Variants in FLCN observed in about 807,000 individuals in gnomAD.
FLCN encodes BHD skin lesion fibrofolliculoma protein.
A neutral mutation model predicts 62.5 loss-of-function variants in FLCN; 22 were observed. The observed-to-expected ratio is 0.35, with a 90% CI of 0.25 to 0.50. FLCN has a LOEUF of 0.50. Ranked by LOEUF, FLCN falls within the 20% of genes least tolerant of loss-of-function variation. The probability of loss-of-function intolerance (pLI) is 0.97; values close to 1 mark genes in which losing one functional copy is unlikely to be tolerated. For synonymous variants in FLCN, 319 were observed against 310.0 expected (o/e 1.03, Z -0.30); for missense variants, 657 against 778.0 (o/e 0.84, Z 1.85).
intron 2 of FLCN, among the ~76,000 whole-genome samples, chr17:17,232,292 C>T (rs2047444630): frequency 6.6e-6 from 1 of 152,246 alleles, no homozygotes; most frequent in South Asian, 2.1e-4. Context: ...CTCCCCTGCC[C>T]TGCTTTGAGT....
At position 17,223,972 on chromosome 17, in the gene FLCN, G is replaced by A. The variant is rs1053540092; in HGVS notation, c.568C>T (p.Leu190=). The A allele has an allele frequency of 6.2e-7, 1 of 1,613,572 alleles. No homozygotes were observed. ...IYLINSWPFL[L]GKVRGIIDEL... is the part of the protein sequence containing the mutation. ...TCGATGATTCCCCGGACCTTCCCCA[G>A]CAGGAAGGGCCAGGAGTTGATGAGG... Residue 190 remains leucine (L), a synonymous_variant, in exon 6 of 14, where the codon CTG becomes TTG. Transcript: ENST00000285071.
chr17:17,224,248 C>T (rs1597607958), intron 5 of FLCN, 105 bp from the exon 6 acceptor site: 1 of 1,051,000 alleles, frequency 9.5e-7, no homozygotes, highest in African/African-American at 1.6e-5. Context: ...AATCAGCCAG[C>T]GTTAATAACG....
intron 1 of FLCN, chr17:17,235,748 C>G (rs2047564600): frequency 6.6e-6 from 1 of 152,224 alleles, no homozygotes; most frequent in South Asian, 2.1e-4. Context: ...ACTCACTGTT[C>G]AATTCCAATC....
chr17:17,213,522 C>T lies in FLCN; in HGVS notation c.*133G>A, dbSNP rs1432120366. 12 of 1,259,800 alleles carry T rather than the reference C, an allele frequency of 9.5e-6. No homozygotes were observed. The highest frequency in any genetic ancestry group is 1.4e-5 in the Non-Finnish European group (12 of 878,326). The allele number at this position is 1,259,800 out of a possible 1,614,324, so 78.0% of individuals were successfully genotyped here. ...CAAACCTGACAGGGCCGAGCCCAGC[C>T]CTGATGGTTTCCCTTCCTTGCTGGG... On this transcript the variant is annotated 3_prime_UTR_variant, in exon 14 of 14. Transcript: ENST00000285071.
rs942279223 is a variant in FLCN, at chr17:17,217,198, C to T, written c.1063-16G>A. 4 of 1,532,944 alleles carry T rather than the reference C, an allele frequency of 2.6e-6. No homozygotes were observed. The highest frequency in any genetic ancestry group is 3.6e-6 in the Non-Finnish European group (4 of 1,106,272). The allele number at this position is 1,532,944 out of a possible 1,614,324, so 95.0% of individuals were successfully genotyped here. On this transcript the variant is annotated splice_polypyrimidine_tract_variant and intron_variant, in intron 9 of 13. Transcript: ENST00000285071. ...CACCCAGGACCTAAACAAGAGAGTGCAGTGCTTTCAGCGTGACTAGTAGAA... is the reference window on the plus strand; with the variant it reads ...CACCCAGGACCTAAACAAGAGAGTGTAGTGCTTTCAGCGTGACTAGTAGAA...
Position 17,216,247 on chromosome 17 carries a change from G to A in FLCN, c.1300+133C>T. On this transcript the variant is annotated intron_variant, in intron 11 of 13. Coordinates refer to ENST00000285071, the MANE Select transcript of FLCN (RefSeq NM_144997.7). The surrounding 1 kb of genome is among the most constrained non-coding windows in gnomAD (Gnocchi z 4.0). ...TGAAGATAGAACACGGAGGCCCAGA[G>A]CCATGGGGGAAGCTGGCCCTGCAAT... The A allele has an allele frequency of 7.5e-7, 1 of 1,338,320 alleles. No individual in the cohort carries two copies. The highest frequency in any genetic ancestry group is 1.0e-6 in the Non-Finnish European group (1 of 978,872). The allele number at this position is 1,338,320 out of a possible 1,614,324, so 82.9% of individuals were successfully genotyped here.
rs1221005174 is a variant in FLCN at position 17,215,967 on chromosome 17, G to C, written c.1300+413C>G. ...CTCGGGCACATGAGGTGAAGAAAAA[G>C]GCTGGAGGAGAGCAGAAGTCAGGAC... On this transcript the variant is annotated intron_variant, in intron 11 of 13. Coordinates refer to ENST00000285071, the MANE Select transcript of FLCN (RefSeq NM_144997.7). Among the ~76,000 whole-genome samples the C allele has an allele frequency of 2.0e-5, 3 of 152,206 alleles. No homozygotes were observed. The East Asian group carries it at 5.8e-4, about 29-fold the overall frequency.
At position 17,226,310 on chromosome 17, in the gene FLCN, G is replaced by C. The variant is rs2047248621; in HGVS notation, c.262C>G (p.Leu88Val). ...KSDMCEGCRS[L>V]AAGHPGYISH... is the part of the protein sequence containing the mutation. ...ATATATCCCGGGTGCCCTGCAGCAAGTGACCGGCAGCCCTGTCCATGAAAA... is the reference window on the plus strand; with the variant it reads ...ATATATCCCGGGTGCCCTGCAGCAACTGACCGGCAGCCCTGTCCATGAAAA... The change falls in exon 5 of 14, where the codon CTT becomes GTT. Residue 88 changes from leucine (L) to valine (V), a missense_variant. By Grantham distance (32) the Leu-to-Val change is conservative. Transcript: ENST00000285071. 1 of 1,614,214 alleles carries C rather than the reference G, an allele frequency of 6.2e-7. No individual in the cohort carries two copies. Among genetic ancestry groups the C allele is most frequent in the Non-Finnish European group, 8.5e-7 (1 of 1,180,036 alleles).
intron 6 of FLCN, 125 bp from the exon 7 acceptor site, chr17:17,222,786 T>G: frequency 1.8e-6 from 2 of 1,123,106 alleles, no homozygotes; most frequent in Non-Finnish European, 2.6e-6. Flanking sequence ...ACTCTCTCCA[T>G]GCAGAGCACA....
chr17:17,213,509 G>T lies in FLCN; in HGVS notation c.*146C>A. 9.0e-7 allele frequency: 1 copy of T among 1,114,970 alleles called. No homozygotes were observed. The highest frequency in any genetic ancestry group is 1.3e-5 in the South Asian group (1 of 75,998). The allele number at this position is 1,114,970 out of a possible 1,614,324, so 69.1% of individuals were successfully genotyped here. On this transcript the variant is annotated 3_prime_UTR_variant, in exon 14 of 14. Transcript: ENST00000285071. ...AGCACACAGGCCCCAAACCTGACAGGGCCGAGCCCAGCCCTGATGGTTTCC... is the reference window on the plus strand; with the variant it reads ...AGCACACAGGCCCCAAACCTGACAGTGCCGAGCCCAGCCCTGATGGTTTCC...
Position 17,213,262 on chromosome 17 carries a change from C to G in FLCN, c.*393G>C. ...CTCTTGCTGAATTTCAAAGTAGAAA[C>G]GCTTGAATGTTAACCTCGGGAGCAG... On this transcript the variant is annotated 3_prime_UTR_variant, in exon 14 of 14. Coordinates refer to ENST00000285071, the MANE Select transcript of FLCN (RefSeq NM_144997.7). 2.5e-6 allele frequency: 1 copy of G among 407,464 alleles called. No homozygotes were observed. Among genetic ancestry groups the G allele is most frequent in the Non-Finnish European group, 4.6e-6 (1 of 218,086 alleles). 25.2% of individuals were successfully genotyped at this position (407,464 alleles called of 1,614,324 possible). A position where few individuals can be genotyped will look rare whatever the true frequency, so the allele number is the denominator to read the frequency against.
Position 17,213,048 on chromosome 17 carries a change from AC to A in FLCN, c.*606del. 1 of 242,196 alleles carries A rather than the reference AC, an allele frequency of 4.1e-6. No homozygotes were observed. The highest frequency in any genetic ancestry group is 8.2e-6 in the Non-Finnish European group (1 of 122,606). 15.0% of individuals were successfully genotyped at this position (242,196 alleles called of 1,614,324 possible). A position where few individuals can be genotyped will look rare whatever the true frequency, so the allele number is the denominator to read the frequency against. ...CCTTCACCAGCACCTGCAGGGGAAC[AC>A]CCCAGAAGACGAGCCCCATGGCTTC... is the stretch of plus-strand genomic sequence containing the variant. On this transcript the variant is annotated 3_prime_UTR_variant, in exon 14 of 14. Coordinates refer to ENST00000285071, the MANE Select transcript of FLCN (RefSeq NM_144997.7).
chr17:17,227,715 A>AAAAAC (rs930172027), intron 4 of FLCN, among the ~76,000 whole-genome samples, 174 bp downstream of exon 4: 10 of 152,284 alleles, frequency 6.6e-5, no homozygotes, highest in East Asian at 5.8e-4. Context: ...CTGTCTCAAA[A>AAAAAC]AAAACAAAAC....
At position 17,228,241 on chromosome 17, in the gene FLCN, G is replaced by T. The variant is rs571710524; in HGVS notation, c.-24-80C>A. On this transcript the variant is annotated intron_variant, in intron 3 of 13. Transcript: ENST00000285071. Reference sequence around the variant, plus strand: ...CTCCCCAGCCCCTCTGGAGCACAGGGAGCACCTGGGTGCCATGGACTTCCT... The same window carrying T: ...CTCCCCAGCCCCTCTGGAGCACAGGTAGCACCTGGGTGCCATGGACTTCCT... 6.0e-6 allele frequency: 9 copies of T among 1,491,976 alleles called. No homozygotes were observed. In the African/African-American group the frequency reaches 1.1e-4, roughly 18 times the overall value. The allele number at this position is 1,491,976 out of a possible 1,614,324, so 92.4% of individuals were successfully genotyped here. A position where few individuals can be genotyped will look rare whatever the true frequency, so the allele number is the denominator to read the frequency against.
intron 3 of FLCN, among the ~76,000 whole-genome samples, chr17:17,230,467 T>G (rs981743471): frequency 6.7e-6 from 1 of 150,282 alleles, no homozygotes. Flanking sequence ...GGAGGCAAGG[T>G]TGCAGTGAGC....
intron 9 of FLCN, chr17:17,217,439 T>C (rs145444171): frequency 2.1e-4 from 115 of 545,572 alleles, no homozygotes; most frequent in African/African-American, 2.0e-3. Context: ...TTTTTAAAAA[T>C]TTGAAGCAAA....
At position 17,213,665 on chromosome 17, in the gene FLCN, G is replaced by A. The variant is rs2046815038; in HGVS notation, c.1730C>T (p.Ser577Phe). The change falls in exon 14 of 14, where the codon TCT becomes TTT. Residue 577 changes from serine (S) to phenylalanine (F), a missense_variant. By Grantham distance (155) the Ser-to-Phe change is radical. Transcript: ENST00000285071. ...STVRSPTASE[S>F]RN Reference sequence around the variant, plus strand: ...GGTGTGTGTGACGGGTCAGTTCCGAGACTCCGAGGCTGTGGGGCTGCGGAC... The same window carrying A: ...GGTGTGTGTGACGGGTCAGTTCCGAAACTCCGAGGCTGTGGGGCTGCGGAC... The A allele has an allele frequency of 1.2e-6, 2 of 1,614,122 alleles. No individual in the cohort carries two copies. The highest frequency in any genetic ancestry group is 8.5e-7 in the Non-Finnish European group (1 of 1,180,026).
In FLCN at chr17:17,219,066, GC is replaced by G. The variant is rs1131690830; in HGVS notation, c.1014del (p.Trp338CysfsTer15). 6.2e-7 allele frequency: 1 copy of G among 1,613,796 alleles called. No individual in the cohort carries two copies. The highest frequency in any genetic ancestry group is 8.5e-7 in the Non-Finnish European group (1 of 1,179,968). Reference sequence around the variant, plus strand: ...TTGAAGACTGGCAGCTTCCGGGGCTGCCAGCTCCCACAGCCTGAGAGAGAGG... The same window carrying G: ...TTGAAGACTGGCAGCTTCCGGGGCTGCAGCTCCCACAGCCTGAGAGAGAGG... Reference protein sequence around the residue: ...ESSSLSGCGSWQPRKLPVFKS... With the variant: ...ESSSLSGCGSXQPRKLPVFKS... On this transcript the variant is annotated frameshift_variant, in exon 9 of 14. Transcript: ENST00000285071. LOFTEE classifies it high-confidence loss of function.
chr17:17,218,966 C>G (rs564153301), intron 9 of FLCN, 53 bp downstream of exon 9: 204 of 1,597,154 alleles, frequency 1.3e-4, no homozygotes, highest in Non-Finnish European at 1.7e-4. Context: ...CAGGGACAGC[C>G]CATGACTGGC....
Sources: allele counts gnomAD v4.1 joint callset (sites outside exome capture counted in the v4.1 genomes callset), GRCh38; gene constraint gnomAD v4.1.1; non-coding constraint Gnocchi (gnomAD v3.1); transcripts MANE v1.5; gene names NCBI Gene and HGNC (gene_info 2026-07-23, HGNC 2026-07-21).